Variants in ADCY8 observed in about 807,000 individuals in gnomAD.
The protein encoded by ADCY8 is adenylate cyclase type 8.
ADCY8 carries 51 observed loss-of-function variants against 119.7 expected under a neutral mutation model. That is an observed-to-expected ratio of 0.43 (90% CI 0.34 to 0.54). ADCY8 has a LOEUF of 0.54. Among genes scored for constraint, ADCY8 ranks in the 20% least tolerant of loss-of-function variants. The pLI is 0.03. For synonymous variants in ADCY8, 665 were observed against 651.0 expected, an observed-to-expected ratio of 1.02 and a Z score of -0.33; for missense variants, 1,383 against 1,598.8, an observed-to-expected ratio of 0.87 and a Z score of 2.30.
intron 7 of ADCY8, among the ~76,000 whole-genome samples, chr8:130,899,479 G>A (rs1392453835): frequency 2.6e-5 from 4 of 152,124 alleles, no homozygotes; most frequent in Non-Finnish European, 4.4e-5. Flanking sequence ...GCTGGCACGC[G>A]CCGGTAATCT....
At chr8:130,919,302 C>G (rs1181095936) in intron 5 of ADCY8, among the ~76,000 whole-genome samples, 1 of 151,860 alleles carries the variant, frequency 6.6e-6, no homozygotes, top group Non-Finnish European at 1.5e-5. Context: ...AACTCACACT[C>G]GCACACACAC....
At chr8:130,827,000 C>A (rs1303614673) in intron 12 of ADCY8, among the ~76,000 whole-genome samples, 1 of 152,094 alleles carries the variant, frequency 6.6e-6, no homozygotes, top group African/African-American at 2.4e-5. Context: ...ACCAACACGG[C>A]ACATGTATAC....
At chr8:130,831,012 C>T (rs902549558) in intron 12 of ADCY8, among the ~76,000 whole-genome samples, 5 of 152,182 alleles carry the variant, frequency 3.3e-5, no homozygotes, top group Non-Finnish European at 5.9e-5. Context: ...GAGGACAAAA[C>T]ACTAAATGCT....
chr8:130,958,034 G>A (rs1043839220), intron 2 of ADCY8, among the ~76,000 whole-genome samples: 5 of 152,176 alleles, frequency 3.3e-5, no homozygotes, highest in African/African-American at 1.2e-4. Context: ...GTGGAGCTGT[G>A]AGAAGAGGGC....
intron 3 of ADCY8, among the ~76,000 whole-genome samples, chr8:130,948,960 C>G (rs577325969): frequency 5.9e-5 from 9 of 152,150 alleles, no homozygotes; most frequent in African/African-American, 2.2e-4. Flanking sequence ...CATCTCACCA[C>G]GCTGCTCTGA....
chr8:131,037,200 G>A (rs867267812), intron 1 of ADCY8, among the ~76,000 whole-genome samples: 7 of 152,136 alleles, frequency 4.6e-5, no homozygotes, highest in African/African-American at 1.4e-4. Context: ...TGAAATCGTA[G>A]TTTATCTGTA....
rs12680511 is a variant in ADCY8, at chr8:130,936,353, A to G, written c.1481+720T>C. On this transcript the variant is annotated intron_variant, in intron 5 of 17. Coordinates refer to ENST00000286355, the MANE Select transcript of ADCY8 (RefSeq NM_001115.3). ...AAAAGCACTTGCCACACATCCATGA[A>G]GCCAACCCTGGTGGCAGCCTTCTAG... Among the ~76,000 whole-genome samples, 515 of 152,288 alleles carry G rather than the reference A, an allele frequency of 3.4e-3. 27 individuals carry two copies. In the East Asian group the frequency reaches 0.089, roughly 26 times the overall value.
intron 3 of ADCY8, among the ~76,000 whole-genome samples, chr8:130,948,749 C>T (rs972117203): frequency 6.6e-6 from 1 of 151,424 alleles, no homozygotes; most frequent in African/African-American, 2.4e-5. Flanking sequence ...ATGCTCCCAA[C>T]ACCGCAGCGG....
At chr8:130,842,727 C>T (rs897278391) in intron 11 of ADCY8, among the ~76,000 whole-genome samples, 1 of 151,930 alleles carries the variant, frequency 6.6e-6, no homozygotes, top group Non-Finnish European at 1.5e-5. Context: ...AAAAACTTAG[C>T]TCGGTGTGTT....
chr8:130,981,548 C>T (rs942086518), intron 2 of ADCY8, among the ~76,000 whole-genome samples: 4 of 152,140 alleles, frequency 2.6e-5, no homozygotes, highest in African/African-American at 9.7e-5. Context: ...CCACAGAGTT[C>T]TTCAGTGGCT....
At chr8:130,868,364 T>G (rs1818204072) in intron 8 of ADCY8, among the ~76,000 whole-genome samples, 1 of 152,170 alleles carries the variant, frequency 6.6e-6, no homozygotes, top group African/African-American at 2.4e-5. Flanking sequence ...TGCCTCCTTT[T>G]TTTTATTAAA....
At chr8:130,826,136 A>G (rs1360159417) in intron 12 of ADCY8, among the ~76,000 whole-genome samples, 1 of 152,242 alleles carries the variant, frequency 6.6e-6, no homozygotes, top group East Asian at 1.9e-4. Flanking sequence ...GCTTTGTCAT[A>G]TACTAGTAGT....
intron 5 of ADCY8, among the ~76,000 whole-genome samples, chr8:130,930,845 T>C (rs2130609183): frequency 6.6e-6 from 1 of 152,316 alleles, no homozygotes; most frequent in Non-Finnish European, 1.5e-5. Flanking sequence ...GTAATTTACA[T>C]CTTTTTCCAA....
At chr8:130,985,953 C>A (rs1482095480) in intron 2 of ADCY8, among the ~76,000 whole-genome samples, 1 of 152,182 alleles carries the variant, frequency 6.6e-6, no homozygotes, top group African/African-American at 2.4e-5. Context: ...TTCTGAGACA[C>A]CTCGAAATGC....
intron 5 of ADCY8, among the ~76,000 whole-genome samples, chr8:130,927,024 C>T (rs1162048751): frequency 6.6e-6 from 1 of 151,524 alleles, no homozygotes; most frequent in Non-Finnish European, 1.5e-5. Context: ...GATTGCATAT[C>T]TTGGCTATGG....
chr8:130,933,686 A>G (rs1820701640), intron 5 of ADCY8, among the ~76,000 whole-genome samples: 1 of 152,252 alleles, frequency 6.6e-6, no homozygotes, highest in Non-Finnish European at 1.5e-5. Context: ...TCAAAACTCC[A>G]GAAAGGAGAT....
intron 5 of ADCY8, among the ~76,000 whole-genome samples, chr8:130,933,580 G>A (rs1375022801): frequency 6.6e-6 from 1 of 152,124 alleles, no homozygotes; most frequent in African/African-American, 2.4e-5. Context: ...TGGACCTCAT[G>A]TTACTTAGAT....
intron 12 of ADCY8, among the ~76,000 whole-genome samples, chr8:130,822,103 C>T (rs1041094372): frequency 4.6e-5 from 7 of 152,092 alleles, no homozygotes; most frequent in African/African-American, 1.7e-4. Flanking sequence ...GTCCTTGAAA[C>T]ATTAAGTAAG....
intron 9 of ADCY8, among the ~76,000 whole-genome samples, chr8:130,858,293 A>T (rs577230517): frequency 1.3e-5 from 2 of 152,140 alleles, no homozygotes; most frequent in African/African-American, 4.8e-5. Flanking sequence ...CCAGTCCAGG[A>T]TATCATCTTC....
Sources: allele counts gnomAD v4.1 joint callset (sites outside exome capture counted in the v4.1 genomes callset), GRCh38; gene constraint gnomAD v4.1.1; transcripts MANE v1.5; gene names NCBI Gene and HGNC (gene_info 2026-07-23, HGNC 2026-07-21).